The following PRKG1 variants were observed in gnomAD, a reference collection of about 807,000 sequenced individuals.
PRKG1 encodes the protein protein kinase cGMP-dependent 1, also known as cGMP-dependent protein kinase 1.
Under a neutral mutation model 88.1 loss-of-function variants are expected in PRKG1, and 35 were observed. The ratio of observed to expected loss-of-function variants is 0.40; its 90% CI spans 0.30 to 0.53. The LOEUF is 0.53. Ranked by LOEUF, PRKG1 falls within the 20% of genes least tolerant of loss-of-function variation. PRKG1 has a pLI of 0.59. For missense variants in PRKG1, 540 were observed against 839.8 expected (o/e 0.64, Z 4.41); for synonymous variants, 303 against 292.5 (o/e 1.04, Z -0.37).
Position 51,153,222 on chromosome 10 carries a change from C to T in PRKG1, c.370C>T (p.Leu124=). 1 of 1,612,418 alleles carries T rather than the reference C, an allele frequency of 6.2e-7. No individual in the cohort carries two copies. Among genetic ancestry groups the T allele is most frequent in the South Asian group, 1.1e-5 (1 of 91,030 alleles). ...CAATGACTTTATGAAGAACTTGGAG[C>T]TGTCGCAGATCCAGGAGATTGTGGA... ...LDNDFMKNLE[L]SQIQEIVDCM... Residue 124 remains leucine (L), a synonymous_variant, in exon 2 of 18, where the codon CTG becomes TTG. Coordinates refer to ENST00000373980, the MANE Select transcript of PRKG1 (RefSeq NM_006258.4).
At chr10:51,868,338 G>A (rs1321961194) in intron 4 of PRKG1, among the ~76,000 whole-genome samples, 3 of 152,040 alleles carry the variant, frequency 2.0e-5, no homozygotes, top group Non-Finnish European at 2.9e-5. Context: ...GGCTGGAGGT[G>A]GGGGAAAATA....
At chr10:51,313,957 G>A (rs1841257093) in intron 2 of PRKG1, among the ~76,000 whole-genome samples, 2 of 152,122 alleles carry the variant, frequency 1.3e-5, no homozygotes, top group African/African-American at 4.8e-5. Flanking sequence ...CCATGGGTGT[G>A]GAACTCCAGG....
chr10:51,595,667 CT>C (rs1331330548), intron 3 of PRKG1, among the ~76,000 whole-genome samples: 1 of 151,068 alleles, frequency 6.6e-6, no homozygotes, highest in East Asian at 2.0e-4. Flanking sequence ...ATCTGGCAAG[CT>C]TTTTTCCATA....
chr10:51,801,445 T>G (rs1265418046), intron 3 of PRKG1, among the ~76,000 whole-genome samples: 4 of 152,128 alleles, frequency 2.6e-5, no homozygotes, highest in Admixed American at 6.6e-5. Context: ...GCATGGATAA[T>G]AGTTTGTCTA....
intron 3 of PRKG1, among the ~76,000 whole-genome samples, chr10:51,705,474 A>C (rs1451537722): frequency 6.6e-6 from 1 of 152,220 alleles, no homozygotes; most frequent in Non-Finnish European, 1.5e-5. Flanking sequence ...CTGGGTTCCC[A>C]CATTTAGTCT....
chr10:51,596,394 A>G (rs924510634), intron 3 of PRKG1, among the ~76,000 whole-genome samples: 5 of 152,222 alleles, frequency 3.3e-5, no homozygotes, highest in African/African-American at 1.2e-4. Flanking sequence ...CATTTATTAC[A>G]GTCCATTGAA....
intron 2 of PRKG1, among the ~76,000 whole-genome samples, chr10:51,189,700 G>C (rs1837583194): frequency 6.6e-6 from 1 of 151,846 alleles, no homozygotes; most frequent in Non-Finnish European, 1.5e-5. Flanking sequence ...TTTCTGCATA[G>C]TTACTAATAT....
At chr10:51,256,097 A>G (rs1839550964) in intron 2 of PRKG1, among the ~76,000 whole-genome samples, 1 of 152,066 alleles carries the variant, frequency 6.6e-6, no homozygotes, top group Non-Finnish European at 1.5e-5. Context: ...GATAAATTTT[A>G]CCCAATAGAG....
chr10:51,765,255 T>C (rs1838128312), intron 3 of PRKG1, among the ~76,000 whole-genome samples: 1 of 152,136 alleles, frequency 6.6e-6, no homozygotes, highest in Non-Finnish European at 1.5e-5. Context: ...TGATAGACAG[T>C]GCAGGAGGTC....
intron 3 of PRKG1, among the ~76,000 whole-genome samples, chr10:51,487,189 G>A (rs1840572380): frequency 6.6e-6 from 1 of 152,148 alleles, no homozygotes; most frequent in Admixed American, 6.6e-5. Context: ...TATTGAGAAT[G>A]TAAACCCTTA....
At chr10:51,177,218 C>T (rs192311490) in intron 2 of PRKG1, among the ~76,000 whole-genome samples, 1 of 152,246 alleles carries the variant, frequency 6.6e-6, no homozygotes, top group Admixed American at 6.5e-5. Flanking sequence ...TACATTCCTT[C>T]ACAATCATAC....
intron 4 of PRKG1, among the ~76,000 whole-genome samples, chr10:51,841,352 G>A (rs1840270810): frequency 6.6e-6 from 1 of 152,084 alleles, no homozygotes; most frequent in African/African-American, 2.4e-5. Flanking sequence ...TCAAATGGGA[G>A]CAACAAAAAA....
chr10:51,790,843 A>T (rs1444243876), intron 3 of PRKG1, among the ~76,000 whole-genome samples: 1 of 152,116 alleles, frequency 6.6e-6, no homozygotes, highest in Admixed American at 6.5e-5. Context: ...GCTTCTGTAA[A>T]ATGTTATGGT....
intron 3 of PRKG1, among the ~76,000 whole-genome samples, chr10:51,666,388 A>G (rs890280759): frequency 7.9e-5 from 12 of 152,206 alleles, no homozygotes; most frequent in Non-Finnish European, 1.6e-4. Flanking sequence ...GCTGGGAATT[A>G]AATTGGAATG....
intron 9 of PRKG1, among the ~76,000 whole-genome samples, chr10:52,186,715 A>C (rs138048962): frequency 6.6e-6 from 1 of 152,230 alleles, no homozygotes; most frequent in South Asian, 2.1e-4. Flanking sequence ...TTAAGACATC[A>C]CTAAATACAT....
At chr10:51,947,765 G>A (rs985940832) in intron 5 of PRKG1, among the ~76,000 whole-genome samples, 1 of 152,144 alleles carries the variant, frequency 6.6e-6, no homozygotes, top group Non-Finnish European at 1.5e-5. Flanking sequence ...ACCAGCCACA[G>A]GGGGACTCCA....
rs116751996 is a variant in PRKG1, at chr10:52,113,603, C to T, written c.936-20237C>T. Among the ~76,000 whole-genome samples the T allele has an allele frequency of 8.5e-3, 1,288 of 152,120 alleles. 19 individuals are homozygous for T. The highest frequency in any genetic ancestry group is 0.029 in the African/African-American group (1,204 of 41,510). On this transcript the variant is annotated intron_variant, in intron 7 of 17. Coordinates refer to ENST00000373980, the MANE Select transcript of PRKG1 (RefSeq NM_006258.4). ...ATGAAGTGGTGTAACTGACTGTGTC[C>T]TGTTCTACAGGTCACAATACTAGAC... is the stretch of plus-strand genomic sequence containing the variant.
intron 5 of PRKG1, among the ~76,000 whole-genome samples, chr10:51,986,398 C>T (rs1844158443): frequency 1.3e-5 from 2 of 152,052 alleles, no homozygotes; most frequent in African/African-American, 2.4e-5. Context: ...AAGATAGTCA[C>T]TTCAAAAAAA....
intron 2 of PRKG1, among the ~76,000 whole-genome samples, chr10:51,381,878 G>A (rs1349407961): frequency 6.6e-6 from 1 of 152,150 alleles, no homozygotes; most frequent in Non-Finnish European, 1.5e-5. Flanking sequence ...TGATTGCTGA[G>A]AGCTGTATTA....
Sources: allele counts gnomAD v4.1 joint callset (sites outside exome capture counted in the v4.1 genomes callset), GRCh38; gene constraint gnomAD v4.1.1; transcripts MANE v1.5; gene names NCBI Gene and HGNC (gene_info 2026-07-23, HGNC 2026-07-21).